Variants in TRIM16 observed in about 807,000 individuals in gnomAD.
The protein encoded by TRIM16 is tripartite motif-containing protein 16.
In TRIM16, 33 loss-of-function variants were observed where a neutral mutation model predicts 50.4. The observed-to-expected ratio is 0.65, with a 90% confidence interval of 0.50 to 0.88. TRIM16 has a LOEUF of 0.88. TRIM16 is among the 40% of genes least tolerant of loss of function. The probability of loss-of-function intolerance (pLI) is 0.00; values close to 1 mark genes in which losing one functional copy is unlikely to be tolerated. For missense variants in TRIM16, 581 were observed against 686.8 expected, an observed-to-expected ratio of 0.85 and a Z score of 1.72; for synonymous variants, 229 against 270.7, an observed-to-expected ratio of 0.85 and a Z score of 1.51.
At position 15,633,460 on chromosome 17, in the gene TRIM16, G is replaced by A. The variant is rs147401421; in HGVS notation, c.850-786C>T. Reference sequence around the variant, plus strand: ...GAGAAAGGATAAGTTATTCGGATAAGTTATTCAATAAATCTTGTTTTGAAT... The same window carrying A: ...GAGAAAGGATAAGTTATTCGGATAAATTATTCAATAAATCTTGTTTTGAAT... On this transcript the variant is annotated intron_variant, in intron 9 of 11. Coordinates refer to ENST00000649191, the MANE Select transcript of TRIM16 (RefSeq NM_001348119.1). Among the ~76,000 whole-genome samples the A allele has an allele frequency of 3.6e-4, 53 of 147,176 alleles. 4 individuals carry two copies. The highest frequency in any genetic ancestry group is 1.2e-3 in the African/African-American group (48 of 40,364).
At chr17:15,662,942 T>C (rs1988306946) in intron 6 of TRIM16, among the ~76,000 whole-genome samples, 1 of 152,118 alleles carries the variant, frequency 6.6e-6, no homozygotes, top group South Asian at 2.1e-4. Context: ...TTACAGTTGC[T>C]CAGAGGAGAG....
At chr17:15,668,774 A>AT in intron 6 of TRIM16, among the ~76,000 whole-genome samples, 1 of 152,312 alleles carries the variant, frequency 6.6e-6, no homozygotes, top group South Asian at 2.1e-4. Context: ...CCAAAAACAG[A>AT]TTCATATACG....
intron 6 of TRIM16, among the ~76,000 whole-genome samples, chr17:15,663,245 T>C (rs1988323111): frequency 6.6e-6 from 1 of 152,214 alleles, no homozygotes; most frequent in South Asian, 2.1e-4. Flanking sequence ...TGGAAAATAT[T>C]TGCACGTGCC....
In TRIM16 at chr17:15,644,860, GGCTGGAGT is replaced by G. The variant is rs1490041445; in HGVS notation, c.520-2052_520-2045del. Among the ~76,000 whole-genome samples, 13 of 151,928 alleles carry G rather than the reference GGCTGGAGT, an allele frequency of 8.6e-5. No homozygotes were observed. The East Asian group carries it at 2.5e-3, about 29-fold the overall frequency. On this transcript the variant is annotated intron_variant, in intron 7 of 11. Transcript: ENST00000649191. ...AGATGGAGTCTCACACTGTCGTCCA[GGCTGGAGT>G]GCAATGGTGCAATCTTGGCTCACTA...
chr17:15,641,529 A>T (rs1987116104), intron 8 of TRIM16, among the ~76,000 whole-genome samples: 1 of 149,002 alleles, frequency 6.7e-6, no homozygotes, highest in Admixed American at 6.7e-5. Flanking sequence ...CTGAAAATTA[A>T]AGAGCTGGGA....
Position 15,634,145 on chromosome 17 carries a change from C to T in TRIM16, c.850-1471G>A, listed in dbSNP as rs1234515384. On this transcript the variant is annotated intron_variant, in intron 9 of 11. Coordinates refer to ENST00000649191, the MANE Select transcript of TRIM16 (RefSeq NM_001348119.1). The stretch of plus-strand genomic sequence containing the variant: ...GAGATCGAGACCATTCTGGCTAACA[C>T]GGTGAAACCCCATCTCTACTAAAAA... Among the ~76,000 whole-genome samples, 7 of 147,138 alleles carry T rather than the reference C, an allele frequency of 4.8e-5. 1 individual carries two copies. Among genetic ancestry groups the T allele is most frequent in the African/African-American group, 7.6e-5 (3 of 39,658 alleles).
At chr17:15,667,457 T>C (rs1282674384) in intron 6 of TRIM16, among the ~76,000 whole-genome samples, 1 of 152,340 alleles carries the variant, frequency 6.6e-6, no homozygotes, top group African/African-American at 2.4e-5. Flanking sequence ...ACATTCTAAG[T>C]AACAAAATAG....
chr17:15,638,954 G>A (rs936069121), intron 8 of TRIM16, among the ~76,000 whole-genome samples: 8 of 147,900 alleles, frequency 5.4e-5, no homozygotes, highest in African/African-American at 1.8e-4. Context: ...GGTGGCAAAG[G>A]GAAGAATAAG....
chr17:15,631,716 T>C lies in TRIM16; in HGVS notation c.1016-2A>G. The C allele has an allele frequency of 1.2e-6, 2 of 1,613,840 alleles. No individual in the cohort carries two copies. The highest frequency in any genetic ancestry group is 1.7e-6 in the Non-Finnish European group (2 of 1,179,800). ...CTTGAGTTCTGATGTCATACTCCTC[T>C]AGAAAATCAAGAGAGTTGTGAATGC... On this transcript the variant is annotated splice_acceptor_variant, in intron 10 of 11. Coordinates refer to ENST00000649191, the MANE Select transcript of TRIM16 (RefSeq NM_001348119.1). LOFTEE classifies it high-confidence loss of function.
rs151299847 is a variant in TRIM16 at position 15,653,831 on chromosome 17, G to A, written c.-337-1885C>T. ...AGGCTGCGAGGCATGACCCCTGGAC[G>A]GGGGTACACAGTGTACCCAGCGTTT... On this transcript the variant is annotated intron_variant, in intron 6 of 11. Coordinates refer to ENST00000649191, the MANE Select transcript of TRIM16 (RefSeq NM_001348119.1). Among the ~76,000 whole-genome samples the A allele has an allele frequency of 2.2e-4, 33 of 152,260 alleles. No homozygotes were observed. In the East Asian group the frequency reaches 3.9e-3, roughly 18 times the overall value.
intron 6 of TRIM16, chr17:15,658,871 T>C: frequency 4.4e-5 from 43 of 985,436 alleles, no homozygotes; most frequent in Non-Finnish European, 5.1e-5. Flanking sequence ...CAGCCCTGTC[T>C]TTCTCCTAAA....
At chr17:15,641,279 G>C (rs1405144006) in intron 8 of TRIM16, among the ~76,000 whole-genome samples, 1 of 147,856 alleles carries the variant, frequency 6.8e-6, no homozygotes, top group South Asian at 2.2e-4. Flanking sequence ...ATACATTCAA[G>C]GAGCCAGCAG....
chr17:15,669,819 C>T (rs1988650671), intron 6 of TRIM16, among the ~76,000 whole-genome samples: 1 of 152,174 alleles, frequency 6.6e-6, no homozygotes, highest in South Asian at 2.1e-4. Flanking sequence ...GTGGGACAAT[C>T]CTTTTTTGTA....
At chr17:15,655,791 G>T (rs986719709) in intron 6 of TRIM16, among the ~76,000 whole-genome samples, 2 of 152,128 alleles carry the variant, frequency 1.3e-5, no homozygotes, top group African/African-American at 4.8e-5. Context: ...AGCCAGGATG[G>T]TCTCAATCTC....
At chr17:15,631,985 C>A in intron 10 of TRIM16, 2 of 486,202 alleles carry the variant, frequency 4.1e-6, no homozygotes. Context: ...GCCAGCCGAT[C>A]GCATAATATA....
intron 7 of TRIM16, among the ~76,000 whole-genome samples, chr17:15,650,652 A>G (rs1987642958): frequency 6.6e-6 from 1 of 152,160 alleles, no homozygotes; most frequent in African/African-American, 2.4e-5. Context: ...TGGGAGAAAG[A>G]GTTGTTCTTT....
chr17:15,669,020 A>G (rs1455724956), intron 6 of TRIM16, among the ~76,000 whole-genome samples: 1 of 152,150 alleles, frequency 6.6e-6, no homozygotes, highest in Non-Finnish European at 1.5e-5. Flanking sequence ...TAACTGATAA[A>G]CATAGAAAAA....
At chr17:15,633,884 A>G (rs1031501374) in intron 9 of TRIM16, among the ~76,000 whole-genome samples, 4 of 149,596 alleles carry the variant, frequency 2.7e-5, no homozygotes, top group Non-Finnish European at 5.9e-5. Flanking sequence ...ATATGTGTTA[A>G]AGTCTTTTAT....
chr17:15,629,161 G>C lies in TRIM16; in HGVS notation c.1149C>G (p.His383Gln). 1 of 1,612,430 alleles carries C rather than the reference G, an allele frequency of 6.2e-7. No individual in the cohort carries two copies. The highest frequency in any genetic ancestry group is 8.5e-7 in the Non-Finnish European group (1 of 1,178,998). The change falls in exon 12 of 12, where the codon CAC (histidine) becomes CAG (glutamine). Residue 383 changes from histidine (H) to glutamine (Q), a missense_variant. His to Gln is a conservative substitution (Grantham distance 24). Around this residue, in one of 3 missense-constraint regions of TRIM16, gnomAD observed 450 missense variants for 544.3 expected, o/e 0.83. Coordinates refer to ENST00000649191, the MANE Select transcript of TRIM16 (RefSeq NM_001348119.1). ...TCTCCTCCTGCAGCCGGAGATACTT[G>C]TGTGCTGTGTCCGGGTCAAACGTGA... ...YDITFDPDTA[H>Q]KYLRLQEENR...
Sources: allele counts gnomAD v4.1 joint callset (sites outside exome capture counted in the v4.1 genomes callset), GRCh38; gene constraint gnomAD v4.1.1; regional missense constraint gnomAD v4.1.1; transcripts MANE v1.5; gene names NCBI Gene and HGNC (gene_info 2026-07-23, HGNC 2026-07-21).